Variants in LRRD1 observed in about 807,000 individuals in gnomAD.
LRRD1 encodes leucine rich repeats and death domain containing 1.
A neutral mutation model predicts 69.5 loss-of-function variants in LRRD1; 49 were observed. The ratio of observed to expected loss-of-function variants is 0.70; its 90% CI spans 0.56 to 0.89. LRRD1 has a LOEUF of 0.89. LRRD1 is among the 40% of genes least tolerant of loss of function. The pLI is 0.00. For missense variants in LRRD1, 853 were observed against 956.0 expected (o/e 0.89, Z 1.42); for synonymous variants, 303 against 338.9 (o/e 0.89, Z 1.16).
Position 92,144,991 on chromosome 7 carries a change from G to T in LRRD1, c.2480C>A (p.Ala827Asp), listed in dbSNP as rs1360231463. ...QSNKLSLTAA[A>D]LRDQLIRALT... The stretch of plus-strand genomic sequence containing the variant: ...TGCTCGAATTAGTTGATCTCTTAAA[G>T]CAGCAGCAGTTAGTGATAACTTGTT... The change falls in exon 6 of 6, where the codon GCT (alanine) becomes GAT (aspartate). Residue 827 changes from alanine (A) to aspartate (D), a missense_variant. Ala to Asp is a moderately radical substitution (Grantham distance 126, BLOSUM62 -2). Around this residue, in one of 3 missense-constraint regions of LRRD1, gnomAD observed 739 missense variants for 808.0 expected, o/e 0.91. Transcript: ENST00000458448. 2 of 1,542,820 alleles carry T rather than the reference G, an allele frequency of 1.3e-6. No homozygotes were observed. The highest frequency in any genetic ancestry group is 3.9e-5 in the Admixed American group (2 of 50,792).
intron 3 of LRRD1, among the ~76,000 whole-genome samples, chr7:92,156,082 C>T (rs1481309098): frequency 7.9e-5 from 12 of 152,202 alleles, no homozygotes; most frequent in Admixed American, 7.9e-4. Flanking sequence ...TACTTTGCAT[C>T]CTGCAATCCA....
intron 1 of LRRD1, among the ~76,000 whole-genome samples, chr7:92,166,100 A>G (rs921552412): frequency 5.3e-5 from 8 of 152,192 alleles, no homozygotes; most frequent in African/African-American, 1.4e-4. Flanking sequence ...GTGGATTGCA[A>G]CCTTCCTGAG....
intron 1 of LRRD1, among the ~76,000 whole-genome samples, chr7:92,171,868 A>G (rs1040748525): frequency 1.3e-5 from 2 of 152,262 alleles, no homozygotes; most frequent in African/African-American, 4.8e-5. Flanking sequence ...CATTCAACAT[A>G]TGAAAATCAA....
intron 3 of LRRD1, among the ~76,000 whole-genome samples, chr7:92,157,490 G>A (rs1788688863): frequency 6.6e-6 from 1 of 152,080 alleles, no homozygotes; most frequent in African/African-American, 2.4e-5. Context: ...ACTGAGACAT[G>A]TTGTATCCTC....
At position 92,170,088 on chromosome 7, in the gene LRRD1, GAAAT is replaced by G. The variant is rs1297499549; in HGVS notation, c.-74-4816_-74-4813del. 6.1e-5 allele frequency among the ~76,000 whole-genome samples: 9 copies of G among 147,990 alleles called. No individual in the cohort carries two copies. In the East Asian group the frequency reaches 1.6e-3, roughly 26 times the overall value. The stretch of plus-strand genomic sequence containing the variant: ...GACCTTGAAAAAAAAAAGAGAGAGA[GAAAT>G]AAAGAAAGAGAGAGAGAGAGGAAGG... On this transcript the variant is annotated intron_variant, in intron 1 of 5. Coordinates refer to ENST00000458448, the MANE Select transcript of LRRD1 (RefSeq NM_001161528.2).
intron 3 of LRRD1, among the ~76,000 whole-genome samples, chr7:92,152,791 C>T (rs1584652612): frequency 6.6e-6 from 1 of 151,820 alleles, no homozygotes; most frequent in East Asian, 1.9e-4. Flanking sequence ...CTGCCTCACT[C>T]TCCTGAGTAG....
intron 4 of LRRD1, among the ~76,000 whole-genome samples, chr7:92,147,552 T>C (rs1820360044): frequency 6.6e-6 from 1 of 152,194 alleles, no homozygotes; most frequent in South Asian, 2.1e-4. Flanking sequence ...TGCTTCTTTA[T>C]GTGCCAACTT....
intron 1 of LRRD1, among the ~76,000 whole-genome samples, chr7:92,168,021 C>T (rs1475837416): frequency 6.6e-6 from 1 of 151,720 alleles, no homozygotes. Flanking sequence ...GCTGTCTTCT[C>T]TCCTCCCACC....
At chr7:92,153,601 G>A (rs1220878400) in intron 3 of LRRD1, among the ~76,000 whole-genome samples, 3 of 151,288 alleles carry the variant, frequency 2.0e-5, no homozygotes, top group Non-Finnish European at 4.4e-5. Flanking sequence ...AGGCCAAGGC[G>A]GGTGGATAAC....
At chr7:92,169,213 C>T (rs186935563) in intron 1 of LRRD1, among the ~76,000 whole-genome samples, 82 of 152,068 alleles carry the variant, frequency 5.4e-4, no homozygotes, top group Middle Eastern at 3.4e-3. Context: ...GTCACCGCTT[C>T]CTTAAAACTG....
At position 92,164,294 on chromosome 7, in the gene LRRD1, T is replaced by C. The variant is rs1788854615; in HGVS notation, c.909A>G (p.Pro303=). 2 of 1,550,958 alleles carry C rather than the reference T, an allele frequency of 1.3e-6. No homozygotes were observed. Among genetic ancestry groups the C allele is most frequent in the South Asian group, 2.4e-5 (2 of 84,022 alleles). The change falls in exon 2 of 6, where the codon CCA becomes CCG. Residue 303 remains proline, a synonymous_variant. Coordinates refer to ENST00000458448, the MANE Select transcript of LRRD1 (RefSeq NM_001161528.2). ...TTFPKALCFL[P]KLISLDLTGN... Reference sequence around the variant, plus strand: ...CAGTAAGGTCTAGTGAAATTAACTTTGGAAGGAAGCAGAGAGCTTTAGGAA... The same window carrying C: ...CAGTAAGGTCTAGTGAAATTAACTTCGGAAGGAAGCAGAGAGCTTTAGGAA...
intron 3 of LRRD1, among the ~76,000 whole-genome samples, chr7:92,152,930 AGT>A (rs1158441173): frequency 6.6e-6 from 1 of 152,194 alleles, no homozygotes; most frequent in Admixed American, 6.5e-5. Flanking sequence ...GGCCTCCCAA[AGT>A]GCTGGGATTA....
chr7:92,150,811 G>A, intron 3 of LRRD1, 116 bp from the exon 4 acceptor site: 1 of 690,702 alleles, frequency 1.4e-6, no homozygotes, highest in Non-Finnish European at 2.3e-6. Flanking sequence ...CAATGCAGCA[G>A]GTCATAAATT....
chr7:92,148,666 A>T (rs1234874443), intron 4 of LRRD1, among the ~76,000 whole-genome samples: 1 of 151,880 alleles, frequency 6.6e-6, no homozygotes, highest in Non-Finnish European at 1.5e-5. Flanking sequence ...GCCCTTCTCT[A>T]AAGTACTGTA....
chr7:92,169,680 A>G (rs990524433), intron 1 of LRRD1, among the ~76,000 whole-genome samples: 1 of 152,022 alleles, frequency 6.6e-6, no homozygotes, highest in Non-Finnish European at 1.5e-5. Context: ...TGAGAAATAC[A>G]TTTACTGAAC....
Position 92,163,552 on chromosome 7 carries a change from A to G in LRRD1, c.1651T>C (p.Ser551Pro). 6.5e-7 allele frequency: 1 copy of G among 1,528,622 alleles called. No homozygotes were observed. Among genetic ancestry groups the G allele is most frequent in the South Asian group, 1.2e-5 (1 of 80,262 alleles). The allele number at this position is 1,528,622 out of a possible 1,614,324, so 94.7% of individuals were successfully genotyped here. ...GKNQIKKIPA[S>P]ISNMISLHVL... Reference sequence around the variant, plus strand: ...TGGAGTGATATCATATTAGAAATTGATGCTGGAATTTTCTTTATTTGGTTT... The same window carrying G: ...TGGAGTGATATCATATTAGAAATTGGTGCTGGAATTTTCTTTATTTGGTTT... Residue 551 changes from serine (S) to proline (P), a missense_variant, in exon 2 of 6, where the codon TCA becomes CCA. Ser to Pro is a moderately conservative substitution (Grantham distance 74). This residue lies in a region of LRRD1 where 739 missense variants were observed against 808.0 expected (regional missense o/e 0.91). Transcript: ENST00000458448.
intron 1 of LRRD1, among the ~76,000 whole-genome samples, chr7:92,175,923 T>C (rs1454756390): frequency 1.3e-5 from 2 of 152,252 alleles, no homozygotes; most frequent in Non-Finnish European, 2.9e-5. Flanking sequence ...TGTGGAGATG[T>C]TTCTGAACTT....
chr7:92,166,076 C>T (rs1788902766), intron 1 of LRRD1, among the ~76,000 whole-genome samples: 1 of 152,138 alleles, frequency 6.6e-6, no homozygotes, highest in Admixed American at 6.5e-5. Context: ...AACTAGACAT[C>T]AAATAGTCCT....
chr7:92,174,510 T>TATATATGTATA (rs1491100533), intron 1 of LRRD1, among the ~76,000 whole-genome samples: 1 of 12,610 alleles, frequency 7.9e-5, no homozygotes, highest in Non-Finnish European at 1.2e-4. Flanking sequence ...TATATATATA[T>TATATATGTATA]TTTTTTTTTT....
Sources: allele counts gnomAD v4.1 joint callset (sites outside exome capture counted in the v4.1 genomes callset), GRCh38; gene constraint gnomAD v4.1.1; regional missense constraint gnomAD v4.1.1; transcripts MANE v1.5; gene names NCBI Gene and HGNC (gene_info 2026-07-23, HGNC 2026-07-21).